The following HIBADH variants were observed in gnomAD, a reference collection of about 807,000 sequenced individuals.
HIBADH encodes 3-hydroxyisobutyrate dehydrogenase, mitochondrial.
A neutral mutation model predicts 36.1 loss-of-function variants in HIBADH; 25 were observed. The observed-to-expected ratio is 0.69, with a 90% CI of 0.50 to 0.97. HIBADH has a LOEUF of 0.97. Ranked by LOEUF, HIBADH falls within the 50% of genes least tolerant of loss-of-function variation. HIBADH has a pLI of 0.00. For synonymous variants in HIBADH, 160 were observed against 149.5 expected (o/e 1.07, Z -0.51); for missense variants, 421 against 418.0 (o/e 1.01, Z -0.06).
At chr7:27,546,275 T>TTTG (rs944021692) in intron 4 of HIBADH, among the ~76,000 whole-genome samples, 5 of 151,824 alleles carry the variant, frequency 3.3e-5, no homozygotes, top group Admixed American at 1.3e-4. Context: ...GCTATTTGTT[T>TTTG]TTGTTGTTGT....
At chr7:27,575,215 G>C (rs1000393162) in intron 4 of HIBADH, among the ~76,000 whole-genome samples, 4 of 152,202 alleles carry the variant, frequency 2.6e-5, no homozygotes, top group Admixed American at 2.0e-4. Context: ...CAGTGTAGCT[G>C]AGAACATAGG....
chr7:27,586,677 A>C (rs1435998856), intron 4 of HIBADH, among the ~76,000 whole-genome samples: 1 of 151,464 alleles, frequency 6.6e-6, no homozygotes, highest in East Asian at 2.0e-4. Context: ...AGGAGGAGAC[A>C]AAAAGAAAAG....
intron 1 of HIBADH, among the ~76,000 whole-genome samples, chr7:27,656,072 A>C (rs965437035): frequency 3.3e-5 from 5 of 152,148 alleles, no homozygotes; most frequent in African/African-American, 9.7e-5. Flanking sequence ...CTTTGTCTTA[A>C]AGAGTCAGGC....
intron 1 of HIBADH, among the ~76,000 whole-genome samples, chr7:27,658,721 G>A (rs1455583114): frequency 6.6e-6 from 1 of 152,058 alleles, no homozygotes; most frequent in East Asian, 1.9e-4. Context: ...TCTTTTGACT[G>A]CATTTTTCAT....
chr7:27,645,538 T>A (rs897833753), intron 2 of HIBADH, among the ~76,000 whole-genome samples: 13 of 151,542 alleles, frequency 8.6e-5, no homozygotes, highest in Non-Finnish European at 1.8e-4. Context: ...ACCACCACAC[T>A]TGGCTAATTT....
At chr7:27,626,489 A>C (rs1179429580) in intron 4 of HIBADH, among the ~76,000 whole-genome samples, 1 of 152,162 alleles carries the variant, frequency 6.6e-6, no homozygotes, top group East Asian at 1.9e-4. Context: ...TGTACACAGG[A>C]GCCATTACAC....
At chr7:27,541,667 CTT>C (rs1248148354) in intron 5 of HIBADH, 9 of 378,776 alleles carry the variant, frequency 2.4e-5, no homozygotes, top group Admixed American at 1.1e-4. Flanking sequence ...AATGTCATGA[CTT>C]TTCTCAGCTT....
chr7:27,659,458 T>C (rs898274577), intron 1 of HIBADH, among the ~76,000 whole-genome samples: 1 of 152,214 alleles, frequency 6.6e-6, no homozygotes, highest in African/African-American at 2.4e-5. Context: ...CTCATGACTG[T>C]AATCCCAGTA....
At chr7:27,629,131 T>C (rs951962446) in intron 4 of HIBADH, among the ~76,000 whole-genome samples, 5 of 152,084 alleles carry the variant, frequency 3.3e-5, no homozygotes, top group Non-Finnish European at 5.9e-5. Flanking sequence ...CCACAGTAAA[T>C]GGACCAAAAA....
Position 27,662,782 on chromosome 7 carries a change from C to T in HIBADH, c.7G>A (p.Ala3Thr). Residue 3 changes from alanine (A) to threonine (T), a missense_variant, in exon 1 of 8, where the codon GCC becomes ACC. Ala to Thr is a moderately conservative substitution (Grantham distance 58). Coordinates refer to ENST00000265395, the MANE Select transcript of HIBADH (RefSeq NM_152740.4). Reference protein sequence around the residue: MAASLRLLGAASG... With the variant: MATSLRLLGAASG... ...GCAGCTCCGAGGAGCCGTAAGGAGG[C>T]TGCCATGCTGCGCCCGCCCCTCTCC... 2 of 1,466,280 alleles carry T rather than the reference C, an allele frequency of 1.4e-6. No homozygotes were observed. The highest frequency in any genetic ancestry group is 2.4e-4 in the Middle Eastern group (1 of 4,082). The allele number at this position is 1,466,280 out of a possible 1,614,324, so 90.8% of individuals were successfully genotyped here. A position where few individuals can be genotyped will look rare whatever the true frequency, so the allele number is the denominator to read the frequency against.
At chr7:27,526,419 C>A (rs370041844) in intron 7 of HIBADH, 47 bp from the exon 8 acceptor site, 4 of 1,494,276 alleles carry the variant, frequency 2.7e-6, no homozygotes, top group Non-Finnish European at 3.6e-6. Flanking sequence ...GTGGTAAAGG[C>A]TCTTTGGAAC....
At chr7:27,559,287 G>A (rs117830658) in intron 4 of HIBADH, among the ~76,000 whole-genome samples, 1,551 of 152,168 alleles carry the variant, frequency 0.01, 18 homozygotes, top group Non-Finnish European at 0.017. Context: ...TTCAACATAT[G>A]AATTTTGGGA....
intron 4 of HIBADH, among the ~76,000 whole-genome samples, chr7:27,605,467 T>C (rs1249068300): frequency 2.5e-4 from 35 of 140,454 alleles, no homozygotes; most frequent in Admixed American, 7.1e-4. Context: ...TTTTTTTTTT[T>C]TTTTTTTTAC....
rs140831763 is a variant in HIBADH at position 27,549,466 on chromosome 7, T to A, written c.485-6366A>T. On this transcript the variant is annotated intron_variant, in intron 4 of 7. Transcript: ENST00000265395. ...AAGAATAAAAAAAGAAACCATAGTATCTCACAACAAATCTCAAATATAGAT... is the reference window on the plus strand; with the variant it reads ...AAGAATAAAAAAAGAAACCATAGTAACTCACAACAAATCTCAAATATAGAT... 6.1e-4 allele frequency among the ~76,000 whole-genome samples: 93 copies of A among 152,282 alleles called. 1 individual carries two copies. The East Asian group carries it at 0.017, about 27-fold the overall frequency.
intron 4 of HIBADH, among the ~76,000 whole-genome samples, chr7:27,603,484 T>C (rs896148370): frequency 9.9e-5 from 15 of 152,114 alleles, no homozygotes; most frequent in African/African-American, 3.6e-4. Flanking sequence ...AACCATAAAA[T>C]ATTACACATG....
In HIBADH at chr7:27,662,785, C is replaced by T. The variant is rs867356011; in HGVS notation, c.4G>A (p.Ala2Thr). The T allele has an allele frequency of 6.8e-7, 1 of 1,465,812 alleles. No homozygotes were observed. 90.8% of individuals were successfully genotyped at this position (1,465,812 alleles called of 1,614,324 possible). A position where few individuals can be genotyped will look rare whatever the true frequency, so the allele number is the denominator to read the frequency against. Residue 2 changes from alanine to threonine, a missense_variant, in exon 1 of 8, where the codon GCA becomes ACA. Physicochemically the swap from Ala to Thr is moderately conservative, Grantham distance 58. Coordinates refer to ENST00000265395, the MANE Select transcript of HIBADH (RefSeq NM_152740.4). M[A>T]ASLRLLGAAS... The stretch of plus-strand genomic sequence containing the variant: ...GCTCCGAGGAGCCGTAAGGAGGCTG[C>T]CATGCTGCGCCCGCCCCTCTCCCCG...
At chr7:27,612,435 C>T (rs941984230) in intron 4 of HIBADH, among the ~76,000 whole-genome samples, 5 of 151,510 alleles carry the variant, frequency 3.3e-5, no homozygotes, top group African/African-American at 9.7e-5. Flanking sequence ...AAACGATTCT[C>T]CTGCTGCTGC....
At chr7:27,592,097 A>G (rs982642630) in intron 4 of HIBADH, among the ~76,000 whole-genome samples, 1 of 152,160 alleles carries the variant, frequency 6.6e-6, no homozygotes, top group Non-Finnish European at 1.5e-5. Flanking sequence ...CCCCTTCCTC[A>G]CTTGGAAAAT....
At chr7:27,528,250 C>T (rs2128182513) in intron 7 of HIBADH, among the ~76,000 whole-genome samples, 1 of 152,086 alleles carries the variant, frequency 6.6e-6, no homozygotes, top group Non-Finnish European at 1.5e-5. Flanking sequence ...GAAATTAGGC[C>T]AATTAATAAC....
Sources: allele counts gnomAD v4.1 joint callset (sites outside exome capture counted in the v4.1 genomes callset), GRCh38; gene constraint gnomAD v4.1.1; transcripts MANE v1.5; gene names NCBI Gene and HGNC (gene_info 2026-07-23, HGNC 2026-07-21).